The following NSMCE2 variants were observed in gnomAD, a reference collection of about 807,000 sequenced individuals.
The protein encoded by NSMCE2 is NSE2 SUMO ligase component of SMC5/6 complex.
In NSMCE2, 24 loss-of-function variants were observed where a neutral mutation model predicts 23.8. The observed-to-expected ratio is 1.01, with a 90% CI of 0.73 to 1.42. The LOEUF (loss-of-function observed/expected upper bound fraction) is 1.42. NSMCE2 is among the 40% of genes most tolerant of loss of function. NSMCE2 has a pLI of 0.00. For synonymous variants in NSMCE2, 92 were observed against 94.1 expected (o/e 0.98, Z 0.13); for missense variants, 284 against 296.5 (o/e 0.96, Z 0.31).
intron 4 of NSMCE2, among the ~76,000 whole-genome samples, chr8:125,174,434 T>G (rs1005451837): frequency 6.6e-6 from 1 of 152,242 alleles, no homozygotes. Context: ...GTACGGGAAT[T>G]CTAATGCTGT....
intron 5 of NSMCE2, among the ~76,000 whole-genome samples, chr8:125,239,252 C>T (rs997050058): frequency 3.3e-5 from 5 of 152,228 alleles, no homozygotes; most frequent in Middle Eastern, 3.4e-3. Flanking sequence ...TGAGAAGAAA[C>T]TCACAGTATT....
At chr8:125,209,857 A>G (rs1176125037) in intron 5 of NSMCE2, among the ~76,000 whole-genome samples, 3 of 152,222 alleles carry the variant, frequency 2.0e-5, no homozygotes, top group Non-Finnish European at 4.4e-5. Context: ...ATGTATTTTA[A>G]TATCTGGACT....
At chr8:125,187,752 A>G (rs2130817907) in intron 5 of NSMCE2, among the ~76,000 whole-genome samples, 1 of 152,328 alleles carries the variant, frequency 6.6e-6, no homozygotes, top group East Asian at 1.9e-4. Context: ...CTTTCAAAAT[A>G]TAAGGGCTTT....
rs569699793 is a variant in NSMCE2, at chr8:125,216,272, T to G, written c.418+34016T>G. On this transcript the variant is annotated intron_variant, in intron 5 of 7. Transcript: ENST00000287437. ...GATATAATGCTGCTGTGAGCATCAG[T>G]GTACATGTATCTGTTTGAGTTTCTG... 5.0e-4 allele frequency among the ~76,000 whole-genome samples: 76 copies of G among 152,356 alleles called. 1 individual carries two copies. The highest frequency in any genetic ancestry group is 1.8e-3 in the African/African-American group (74 of 41,586).
intron 3 of NSMCE2, among the ~76,000 whole-genome samples, chr8:125,138,484 T>C (rs1251116289): frequency 6.6e-6 from 1 of 151,938 alleles, no homozygotes; most frequent in Non-Finnish European, 1.5e-5. Flanking sequence ...CCTTGGCTTC[T>C]CAAAGTGCTG....
chr8:125,235,626 G>A (rs973193819), intron 5 of NSMCE2, among the ~76,000 whole-genome samples: 2 of 152,154 alleles, frequency 1.3e-5, no homozygotes, highest in African/African-American at 4.8e-5. Context: ...TTACTTCAAA[G>A]TATATTGGAA....
intron 5 of NSMCE2, among the ~76,000 whole-genome samples, chr8:125,346,318 A>G (rs1830434981): frequency 6.6e-6 from 1 of 152,222 alleles, no homozygotes; most frequent in Non-Finnish European, 1.5e-5. Flanking sequence ...GAAAATGAAG[A>G]GGAGGAGACA....
At chr8:125,140,015 T>C (rs1272693749) in intron 3 of NSMCE2, among the ~76,000 whole-genome samples, 1 of 152,212 alleles carries the variant, frequency 6.6e-6, no homozygotes, top group Non-Finnish European at 1.5e-5. Flanking sequence ...AAGGGATGCC[T>C]TACACATGGA....
chr8:125,231,198 A>G (rs1201517147), intron 5 of NSMCE2, among the ~76,000 whole-genome samples: 1 of 152,224 alleles, frequency 6.6e-6, no homozygotes, highest in Non-Finnish European at 1.5e-5. Context: ...AAAGATGCTT[A>G]TAGTTGTTTT....
intron 5 of NSMCE2, among the ~76,000 whole-genome samples, chr8:125,261,102 C>T (rs16900487): frequency 0.045 from 6,860 of 152,146 alleles, 498 homozygotes; most frequent in African/African-American, 0.16. Flanking sequence ...TACTGTTTTG[C>T]GAATCAACCA....
intron 5 of NSMCE2, among the ~76,000 whole-genome samples, chr8:125,211,281 G>GTTACTC (rs1824329561): frequency 6.6e-6 from 1 of 152,136 alleles, no homozygotes; most frequent in African/African-American, 2.4e-5. Flanking sequence ...CCTGGAAACA[G>GTTACTC]TTACTCTTAC....
chr8:125,326,399 A>ATG (rs1018542298), intron 5 of NSMCE2, among the ~76,000 whole-genome samples: 35 of 152,022 alleles, frequency 2.3e-4, no homozygotes, highest in African/African-American at 7.2e-4. Flanking sequence ...CATTATATAT[A>ATG]TGTGTGTGTG....
intron 3 of NSMCE2, among the ~76,000 whole-genome samples, chr8:125,144,138 G>A (rs1820534881): frequency 6.6e-6 from 1 of 152,030 alleles, no homozygotes; most frequent in South Asian, 2.1e-4. Context: ...TTTGGCTCTG[G>A]GTACCATGTA....
intron 4 of NSMCE2, among the ~76,000 whole-genome samples, chr8:125,177,323 C>T (rs139271917): frequency 3.5e-4 from 54 of 152,182 alleles, no homozygotes; most frequent in East Asian, 1.5e-3. Flanking sequence ...TGTCTGATCC[C>T]GAGCTCAAAG....
chr8:125,190,747 G>A (rs961079905), intron 5 of NSMCE2, among the ~76,000 whole-genome samples: 4 of 152,158 alleles, frequency 2.6e-5, no homozygotes, highest in Admixed American at 6.5e-5. Context: ...CAGGTCATAG[G>A]CATGCTTTGT....
chr8:125,251,484 A>G (rs747056689), intron 5 of NSMCE2, among the ~76,000 whole-genome samples: 3 of 152,238 alleles, frequency 2.0e-5, no homozygotes, highest in Non-Finnish European at 4.4e-5. Flanking sequence ...GAGTTTACAT[A>G]CAACAGAAGG....
At chr8:125,168,876 G>T (rs1464359577) in intron 4 of NSMCE2, among the ~76,000 whole-genome samples, 1 of 152,186 alleles carries the variant, frequency 6.6e-6, no homozygotes, top group African/African-American at 2.4e-5. Flanking sequence ...TATTTGTAGT[G>T]CCTAGTATGT....
At chr8:125,296,723 T>C (rs1563769277) in intron 5 of NSMCE2, among the ~76,000 whole-genome samples, 1 of 152,138 alleles carries the variant, frequency 6.6e-6, no homozygotes, top group East Asian at 1.9e-4. Context: ...AGAAAGCTTT[T>C]AACATTTCCT....
intron 5 of NSMCE2, among the ~76,000 whole-genome samples, chr8:125,341,818 T>C (rs1356933788): frequency 7.2e-6 from 1 of 138,810 alleles, no homozygotes; most frequent in Non-Finnish European, 1.5e-5. Flanking sequence ...AGGTAGAGAG[T>C]GGGCAGAACC....
Sources: allele counts gnomAD v4.1 joint callset (sites outside exome capture counted in the v4.1 genomes callset), GRCh38; gene constraint gnomAD v4.1.1; transcripts MANE v1.5; gene names NCBI Gene and HGNC (gene_info 2026-07-23, HGNC 2026-07-21).